Variants in HERC1 observed in about 807,000 individuals in gnomAD.
HERC1 encodes probable E3 ubiquitin-protein ligase HERC1.
HERC1 carries 160 observed loss-of-function variants against 554.3 expected under a neutral mutation model. The ratio of observed to expected loss-of-function variants is 0.29; its 90% CI spans 0.25 to 0.33. The LOEUF (loss-of-function observed/expected upper bound fraction) is 0.33. HERC1 is among the 10% of genes least tolerant of loss of function. The pLI is 1.00. For missense variants in HERC1, 4,919 were observed against 5,918.5 expected (o/e 0.83, Z 5.54); for synonymous variants, 2,175 against 2,131.7 (o/e 1.02, Z -0.56).
At chr15:63,649,333 C>T (rs1162573262) in intron 54 of HERC1, among the ~76,000 whole-genome samples, 1 of 151,912 alleles carries the variant, frequency 6.6e-6, no homozygotes, top group Non-Finnish European at 1.5e-5. Context: ...AGCCTGGTGA[C>T]AGAGCGAGAC....
chr15:63,758,823 A>G lies in HERC1; in HGVS notation c.1027-454T>C, dbSNP rs964563783. On this transcript the variant is annotated intron_variant, in intron 3 of 77. Transcript: ENST00000443617. This position sits in a 1 kb window ranked among gnomAD's most constrained non-coding sequence, Gnocchi z 4.0. ...GAGTCATGCAAATCCATGCCTACCT[A>G]GTCTTCATGATTGAATAGATAATAT... Among the ~76,000 whole-genome samples, 3 of 152,192 alleles carry G rather than the reference A, an allele frequency of 2.0e-5. No homozygotes were observed. Among genetic ancestry groups the G allele is most frequent in the Non-Finnish European group, 4.4e-5 (3 of 68,036 alleles).
At chr15:63,786,631 T>C (rs1037556075) in intron 1 of HERC1, among the ~76,000 whole-genome samples, 1 of 152,178 alleles carries the variant, frequency 6.6e-6, no homozygotes, top group African/African-American at 2.4e-5. Context: ...ATTCTGCCAA[T>C]TGAAAGATGC....
At position 63,754,489 on chromosome 15, in the gene HERC1, A is replaced by G. The variant is rs763617132; in HGVS notation, c.1774+16T>C. 1.3e-6 allele frequency: 2 copies of G among 1,552,624 alleles called. No individual in the cohort carries two copies. Among genetic ancestry groups the G allele is most frequent in the African/African-American group, 2.8e-5 (2 of 72,660 alleles). ...AGAAAAAAGCCAAAGCTACTGATAAATAATTTTTTACATACCATTGTCTCC... is the reference window on the plus strand; with the variant it reads ...AGAAAAAAGCCAAAGCTACTGATAAGTAATTTTTTACATACCATTGTCTCC... On this transcript the variant is annotated intron_variant, in intron 7 of 77. Transcript: ENST00000443617.
intron 25 of HERC1, among the ~76,000 whole-genome samples, chr15:63,704,069 T>C (rs1177577890): frequency 6.6e-6 from 1 of 152,146 alleles, no homozygotes; most frequent in Non-Finnish European, 1.5e-5. Flanking sequence ...CAACTGAAGA[T>C]TTTATGGCTT....
intron 5 of HERC1, among the ~76,000 whole-genome samples, chr15:63,755,895 T>C (rs1358335413): frequency 6.6e-6 from 1 of 152,184 alleles, no homozygotes; most frequent in African/African-American, 2.4e-5. Context: ...GGCAATTACT[T>C]AGGTACTCTA....
At chr15:63,630,778 T>C in intron 68 of HERC1, 143 bp from the exon 69 acceptor site, 1 of 715,480 alleles carries the variant, frequency 1.4e-6, no homozygotes, top group Non-Finnish European at 2.2e-6. Flanking sequence ...GCTGCTATTC[T>C]GGAAAGGTAC....
chr15:63,665,939 C>A lies in HERC1; in HGVS notation c.8535G>T (p.Met2845Ile), dbSNP rs922638640. The A allele has an allele frequency of 6.2e-7, 1 of 1,612,750 alleles. No individual in the cohort carries two copies. Among genetic ancestry groups the A allele is most frequent in the Non-Finnish European group, 8.5e-7 (1 of 1,179,160 alleles). Residue 2845 changes from methionine (M) to isoleucine (I), a missense_variant, in exon 42 of 78, where the codon ATG (methionine) becomes ATT (isoleucine). Around this residue, in one of 11 missense-constraint regions of HERC1, gnomAD observed 1,963 missense variants for 2,228.6 expected, o/e 0.88. Transcript: ENST00000443617. ...TTCACCTTTCACTAAAACCTTCCTCCATTTCAGCAGCATCAGCTGATGGTA... is the reference window on the plus strand; with the variant it reads ...TTCACCTTTCACTAAAACCTTCCTCAATTTCAGCAGCATCAGCTGATGGTA... ...GDIPSADAAE[M>I]EEGFSESPDN... is the part of the protein sequence containing the mutation.
intron 1 of HERC1, among the ~76,000 whole-genome samples, chr15:63,827,473 T>C (rs1358186558): frequency 6.7e-6 from 1 of 150,228 alleles, no homozygotes; most frequent in East Asian, 1.9e-4. Flanking sequence ...TTCAAAAGAA[T>C]GACCTGATTT....
intron 18 of HERC1, among the ~76,000 whole-genome samples, chr15:63,723,628 A>G (rs2073915283): frequency 1.3e-5 from 2 of 152,182 alleles, no homozygotes; most frequent in South Asian, 4.1e-4. Flanking sequence ...GCTATACCCT[A>G]CAACTCTGGC....
chr15:63,730,366 G>A (rs2074240541), intron 14 of HERC1, among the ~76,000 whole-genome samples: 1 of 152,004 alleles, frequency 6.6e-6, no homozygotes, highest in South Asian at 2.1e-4. Flanking sequence ...GGCTGAGGTG[G>A]GAGGACCACT....
intron 1 of HERC1, among the ~76,000 whole-genome samples, chr15:63,792,238 A>G (rs1181629728): frequency 6.6e-6 from 1 of 152,146 alleles, no homozygotes; most frequent in Non-Finnish European, 1.5e-5. Context: ...AAGAACACAT[A>G]CCCTCTTCTC....
At chr15:63,708,806 C>G (rs2073146392) in intron 24 of HERC1, among the ~76,000 whole-genome samples, 1 of 152,192 alleles carries the variant, frequency 6.6e-6, no homozygotes, top group Admixed American at 6.5e-5. Context: ...CATATTTCAG[C>G]TGGAAAACCC....
At chr15:63,765,271 C>T (rs975448931) in intron 2 of HERC1, among the ~76,000 whole-genome samples, 28 of 152,116 alleles carry the variant, frequency 1.8e-4, no homozygotes, top group African/African-American at 6.3e-4. Flanking sequence ...CTCCTCCAGC[C>T]TGCTTACCCC....
intron 2 of HERC1, among the ~76,000 whole-genome samples, chr15:63,769,160 G>A (rs1410437890): frequency 1.3e-5 from 2 of 152,210 alleles, no homozygotes; most frequent in South Asian, 4.1e-4. Context: ...GTTCACGCCT[G>A]TAATCCCAGC....
chr15:63,822,742 C>T (rs2077748088), intron 1 of HERC1, among the ~76,000 whole-genome samples: 1 of 152,088 alleles, frequency 6.6e-6, no homozygotes, highest in African/African-American at 2.4e-5. Context: ...AGATAAGAGA[C>T]TATTATAATT....
rs376905628 is a variant in HERC1, at chr15:63,680,606, A to G, written c.6396T>C (p.Thr2132=). Residue 2132 remains threonine (T), a synonymous_variant, in exon 35 of 78, where the codon ACT becomes ACC. Transcript: ENST00000443617. This position sits in a 1 kb window ranked among gnomAD's most constrained non-coding sequence, Gnocchi z 5.8. The part of the protein sequence containing the change: ...GEQTLTLSSF[T]QGDFITCVLD... ...ACACACAGGTAATGAAATCTCCTTG[A>G]GTAAAGCTGGACAATGTGAGAGTCT... 1.2e-4 allele frequency: 201 copies of G among 1,613,810 alleles called. No individual in the cohort carries two copies. The highest frequency in any genetic ancestry group is 2.0e-4 in the Admixed American group (12 of 60,010).
chr15:63,630,629 A>C lies in HERC1; in HGVS notation c.12803T>G (p.Leu4268Arg). ...GHVYTFGQDR[L>R]IGLPEGRARN... Reference sequence around the variant, plus strand: ...AGCACGCCCCTCTGGCAAGCCTATCAGGCGATCTGAAAAAAACAAAACAAA... The same window carrying C: ...AGCACGCCCCTCTGGCAAGCCTATCCGGCGATCTGAAAAAAACAAAACAAA... Residue 4268 changes from leucine to arginine, a missense_variant, in exon 69 of 78, where the codon CTG (leucine) becomes CGG (arginine). Physicochemically the swap from Leu to Arg is moderately radical, Grantham distance 102. Coordinates refer to ENST00000443617, the MANE Select transcript of HERC1 (RefSeq NM_003922.4). 6.2e-7 allele frequency: 1 copy of C among 1,610,246 alleles called. No homozygotes were observed. The highest frequency in any genetic ancestry group is 8.5e-7 in the Non-Finnish European group (1 of 1,178,444).
chr15:63,694,094 C>A lies in HERC1; in HGVS notation c.5544G>T (p.Gln1848His), dbSNP rs1775643088. Residue 1848 changes from glutamine to histidine, a missense_variant, in exon 30 of 78, where the codon CAG (glutamine) becomes CAT (histidine). Transcript: ENST00000443617. This position sits in a 1 kb window ranked among gnomAD's most constrained non-coding sequence, Gnocchi z 4.3. ...CAGTTTGGGACAATAAATTCTTCAA[C>A]TGACTACAGAGTAGATCCAACAAGG... ...VQSLLDLLCSQLKNLLSQTGV... is the reference protein window; with the variant it reads ...VQSLLDLLCSHLKNLLSQTGV... 6.2e-7 allele frequency: 1 copy of A among 1,610,636 alleles called. No individual in the cohort carries two copies. The highest frequency in any genetic ancestry group is 1.3e-5 in the African/African-American group (1 of 74,892).
Position 63,658,716 on chromosome 15 carries a change from A to G in HERC1, c.9427T>C (p.Cys3143Arg), listed in dbSNP as rs968842629. Reference sequence around the variant, plus strand: ...GAGCTCTTTTCTACGGAGCCATGGCAACCTGAAAAACATAATTCTGTTTTG... The same window carrying G: ...GAGCTCTTTTCTACGGAGCCATGGCGACCTGAAAAACATAATTCTGTTTTG... ...SMEETLMQIGCHGSVEKSSSG... is the reference protein window; with the variant it reads ...SMEETLMQIGRHGSVEKSSSG... The change falls in exon 48 of 78, where the codon TGC (cysteine) becomes CGC (arginine). Residue 3143 changes from cysteine (C) to arginine (R), a missense_variant and splice_region_variant. Coordinates refer to ENST00000443617, the MANE Select transcript of HERC1 (RefSeq NM_003922.4). 1 of 1,607,734 alleles carries G rather than the reference A, an allele frequency of 6.2e-7. No homozygotes were observed. Among genetic ancestry groups the G allele is most frequent in the Non-Finnish European group, 8.5e-7 (1 of 1,176,238 alleles).
Sources: allele counts gnomAD v4.1 joint callset (sites outside exome capture counted in the v4.1 genomes callset), GRCh38; gene constraint gnomAD v4.1.1; regional missense constraint gnomAD v4.1.1; non-coding constraint Gnocchi (gnomAD v3.1); transcripts MANE v1.5; gene names NCBI Gene and HGNC (gene_info 2026-07-23, HGNC 2026-07-21).